The following NACC2 variants were observed in gnomAD, a reference collection of about 807,000 sequenced individuals.
NACC2 encodes nucleus accumbens-associated protein 2.
NACC2 carries 8 observed loss-of-function variants against 25.1 expected under a neutral mutation model. The ratio of observed to expected loss-of-function variants is 0.32; its 90% CI spans 0.19 to 0.57. NACC2 has a LOEUF of 0.57. NACC2 is among the 20% of genes least tolerant of loss of function. The probability of loss-of-function intolerance (pLI) is 0.89; values close to 1 mark genes in which losing one functional copy is unlikely to be tolerated. For missense variants in NACC2, 644 were observed against 650.2 expected (o/e 0.99, Z 0.10); for synonymous variants, 435 against 294.7 (o/e 1.48, Z -4.88).
chr9:136,092,383 T>C (rs1830442138), intron 1 of NACC2, among the ~76,000 whole-genome samples: 1 of 152,120 alleles, frequency 6.6e-6, no homozygotes, highest in African/African-American at 2.4e-5. Context: ...CCAGACCCAG[T>C]CAGACCTCAC....
At chr9:136,080,943 C>G (rs1230605398) in intron 1 of NACC2, among the ~76,000 whole-genome samples, 1 of 152,194 alleles carries the variant, frequency 6.6e-6, no homozygotes, top group African/African-American at 2.4e-5. Flanking sequence ...GGACACAGGC[C>G]TGGGACAGGT....
At chr9:136,032,718 G>A (rs1588564429) in intron 2 of NACC2, among the ~76,000 whole-genome samples, 1 of 152,272 alleles carries the variant, frequency 6.6e-6, no homozygotes, top group South Asian at 2.1e-4. Flanking sequence ...CCAACATGGT[G>A]AAACCCCATC....
At chr9:136,033,693 A>T (rs1217178759) in intron 2 of NACC2, among the ~76,000 whole-genome samples, 4 of 150,204 alleles carry the variant, frequency 2.7e-5, no homozygotes, top group East Asian at 3.9e-4. Context: ...AAATCTTTTT[A>T]AAAAAAGATG....
chr9:136,013,723 G>A lies in NACC2; in HGVS notation c.1157+141C>T. Reference sequence around the variant, plus strand: ...CCTGGGAGCCTCTCCACCGTCCTGGGGCCGACCGGCCACGGCTGAAGTCAG... The same window carrying A: ...CCTGGGAGCCTCTCCACCGTCCTGGAGCCGACCGGCCACGGCTGAAGTCAG... On this transcript the variant is annotated intron_variant, in intron 4 of 5. Transcript: ENST00000277554. This position sits in a 1 kb window ranked among gnomAD's most constrained non-coding sequence, Gnocchi z 6.6. 1.4e-6 allele frequency: 1 copy of A among 717,966 alleles called. No individual in the cohort carries two copies. Among genetic ancestry groups the A allele is most frequent in the East Asian group, 2.8e-5 (1 of 36,072 alleles). 44.5% of individuals were successfully genotyped at this position (717,966 alleles called of 1,614,324 possible). A position where few individuals can be genotyped will look rare whatever the true frequency, so the allele number is the denominator to read the frequency against.
chr9:136,088,030 G>A (rs1011112939), intron 1 of NACC2, among the ~76,000 whole-genome samples: 1 of 152,150 alleles, frequency 6.6e-6, no homozygotes, highest in African/African-American at 2.4e-5. Context: ...AAGTTCCAGA[G>A]GTGACCTGGA....
chr9:136,040,455 G>A (rs1463621008), intron 2 of NACC2, among the ~76,000 whole-genome samples: 5 of 152,050 alleles, frequency 3.3e-5, no homozygotes, highest in Admixed American at 6.6e-5. Context: ...ATAGGAGAAC[G>A]GAGAAATACA....
chr9:136,062,834 C>A (rs1841030803), intron 1 of NACC2, among the ~76,000 whole-genome samples: 1 of 152,186 alleles, frequency 6.6e-6, no homozygotes, highest in Non-Finnish European at 1.5e-5. Flanking sequence ...GGAGGATCAC[C>A]TAAGCCTGGG....
At position 136,033,366 on chromosome 9, in the gene NACC2, G is replaced by A. The variant is rs1305598208; in HGVS notation, c.886+16270C>T. 8.6e-5 allele frequency among the ~76,000 whole-genome samples: 13 copies of A among 151,858 alleles called. No individual in the cohort carries two copies. In the East Asian group the frequency reaches 1.7e-3, roughly 20 times the overall value. On this transcript the variant is annotated intron_variant, in intron 2 of 5. Transcript: ENST00000277554. Reference sequence around the variant, plus strand: ...CAAATTAAAAAATGAACTTCTGGCCGGGCACGGTGGCTCACGCCTGTAATC... The same window carrying A: ...CAAATTAAAAAATGAACTTCTGGCCAGGCACGGTGGCTCACGCCTGTAATC...
At position 136,051,892 on chromosome 9, in the gene NACC2, AGGAGGAGGAGGAGGAGGAGATGGT is replaced by A. The variant is rs1326004933; in HGVS notation, c.-59-1336_-59-1313del. The stretch of plus-strand genomic sequence containing the variant: ...GGAGCCGGCAAGGAGGAGGAGGAGG[AGGAGGAGGAGGAGGAGGAGATGGT>A]GGAGGAGGAGGAGGAGGAGGAGGGC... On this transcript the variant is annotated intron_variant, in intron 1 of 5. Coordinates refer to ENST00000277554, the MANE Select transcript of NACC2 (RefSeq NM_144653.5). Among the ~76,000 whole-genome samples, 31 of 117,834 alleles carry A rather than the reference AGGAGGAGGAGGAGGAGGAGATGGT, an allele frequency of 2.6e-4. No homozygotes were observed. The South Asian group carries it at 6.9e-3, about 26-fold the overall frequency. The allele number at this position is 117,834 out of a possible 152,430, so 77.3% of individuals were successfully genotyped here. A position where few individuals can be genotyped will look rare whatever the true frequency, so the allele number is the denominator to read the frequency against.
chr9:136,069,552 A>G (rs936659657), intron 1 of NACC2, among the ~76,000 whole-genome samples: 2 of 142,608 alleles, frequency 1.4e-5, no homozygotes, highest in Middle Eastern at 3.4e-3. Context: ...CTGTCAAAAA[A>G]CAAAACAAAA....
chr9:136,020,401 CA>C lies in NACC2; in HGVS notation c.887-3973del, dbSNP rs545341651. On this transcript the variant is annotated intron_variant, in intron 2 of 5. Transcript: ENST00000277554. This position sits in a 1 kb window ranked among gnomAD's most constrained non-coding sequence, Gnocchi z 4.7. ...AGATGGCGAGCCCTGTTCCTGTCCC[CA>C]AGGCAGAGTGTGTCATCGGGGACTC... Among the ~76,000 whole-genome samples the C allele has an allele frequency of 2.3e-4, 35 of 152,220 alleles. No homozygotes were observed. Among genetic ancestry groups the C allele is most frequent in the African/African-American group, 7.2e-4 (30 of 41,544 alleles).
At chr9:136,092,961 G>A (rs1177591616) in intron 1 of NACC2, among the ~76,000 whole-genome samples, 3 of 152,206 alleles carry the variant, frequency 2.0e-5, no homozygotes, top group Non-Finnish European at 2.9e-5. Flanking sequence ...AGTGTGTGGA[G>A]GTGGCTAGAA....
chr9:136,092,997 G>A (rs964391294), intron 1 of NACC2, among the ~76,000 whole-genome samples: 3 of 152,180 alleles, frequency 2.0e-5, no homozygotes, highest in Non-Finnish European at 2.9e-5. Context: ...AAGGAACATG[G>A]GCTCTGCCCC....
At chr9:136,031,445 C>A (rs1305472235) in intron 2 of NACC2, among the ~76,000 whole-genome samples, 1 of 152,154 alleles carries the variant, frequency 6.6e-6, no homozygotes, top group Non-Finnish European at 1.5e-5. Flanking sequence ...TCGAGCAATT[C>A]TCGTGCTTCA....
chr9:136,029,566 C>G (rs1197955372), intron 2 of NACC2, among the ~76,000 whole-genome samples: 2 of 152,220 alleles, frequency 1.3e-5, no homozygotes. Flanking sequence ...GAGAGAAGAG[C>G]TGCAGCCCTT....
chr9:136,080,508 G>A (rs1830310023), intron 1 of NACC2, among the ~76,000 whole-genome samples: 1 of 152,124 alleles, frequency 6.6e-6, no homozygotes, highest in African/African-American at 2.4e-5. Context: ...GGAGGCAGAG[G>A]TTGTGTGCTG....
At chr9:136,012,358 G>A (rs1356369966) in intron 5 of NACC2, among the ~76,000 whole-genome samples, 1 of 152,234 alleles carries the variant, frequency 6.6e-6, no homozygotes, top group Non-Finnish European at 1.5e-5. Context: ...TGGTCAGAGG[G>A]TCCCCCTTTC....
chr9:136,035,314 G>A (rs1348382108), intron 2 of NACC2, among the ~76,000 whole-genome samples: 1 of 152,036 alleles, frequency 6.6e-6, no homozygotes, highest in South Asian at 2.1e-4. Context: ...CCAAAGTGGT[G>A]TCACGTGACT....
intron 1 of NACC2, among the ~76,000 whole-genome samples, chr9:136,059,537 TG>T (rs1162744257): frequency 4.6e-5 from 7 of 152,128 alleles, no homozygotes; most frequent in African/African-American, 1.7e-4. Context: ...CTCAGGGAGC[TG>T]GGGGGTTGCC....
Sources: gnomAD v4.1 joint callset for allele counts (sites outside exome capture counted in the v4.1 genomes callset) on GRCh38, gnomAD v4.1.1 for gene constraint, Gnocchi (gnomAD v3.1) non-coding constraint, MANE v1.5 for transcripts, NCBI Gene and HGNC (gene_info 2026-07-23, HGNC 2026-07-21) for gene names.